Variants in PTGES observed in about 807,000 individuals in gnomAD.
PTGES encodes the protein MGST1-like 1.
In PTGES, 3 loss-of-function variants were observed where a neutral mutation model predicts 11.8. The observed-to-expected ratio is 0.25, with a 90% CI of 0.12 to 0.66. PTGES has a LOEUF of 0.66. Among genes scored for constraint, PTGES ranks in the 30% least tolerant of loss-of-function variants. The probability of loss-of-function intolerance (pLI) is 0.82; values close to 1 mark genes in which losing one functional copy is unlikely to be tolerated. For synonymous variants in PTGES, 94 were observed against 90.4 expected, an observed-to-expected ratio of 1.04 and a Z score of -0.22; for missense variants, 180 against 213.0, an observed-to-expected ratio of 0.85 and a Z score of 0.96.
In PTGES at chr9:129,748,643, C is replaced by T. The variant is rs200258970; in HGVS notation, c.209+12G>A. 20 of 1,564,428 alleles carry T rather than the reference C, an allele frequency of 1.3e-5. No homozygotes were observed. Among genetic ancestry groups the T allele is most frequent in the East Asian group, 2.5e-5 (1 of 40,594 alleles). On this transcript the variant is annotated intron_variant, in intron 2 of 2. Transcript: ENST00000340607. ...GCCAGGTGTGGCCAGGCCAGGGGCC[C>T]GAAGTACTTGCCTGAGGCAGCGTTC...
rs764299550 is a variant in PTGES, at chr9:129,746,696, G to A, written c.209+1959C>T. Among the ~76,000 whole-genome samples the A allele has an allele frequency of 8.5e-5, 13 of 152,130 alleles. No individual in the cohort carries two copies. In the South Asian group the frequency reaches 1.2e-3, roughly 15 times the overall value. On this transcript the variant is annotated intron_variant, in intron 2 of 2. Coordinates refer to ENST00000340607, the MANE Select transcript of PTGES (RefSeq NM_004878.5). ...GGAATGTGTTGAGACCCATGAGACA[G>A]TTTGTCTCCGGCCTCAGCCTGTCCA...
At position 129,748,684 on chromosome 9, in the gene PTGES, C is replaced by T. The variant is rs142287855; in HGVS notation, c.180G>A (p.Arg60=). ...ALRHGGPQYC[R]SDPDVERCLR... ...GGCAGCGTTCCACGTCGGGGTCGCT[C>T]CTGCAATACTGGGGGCCTCCGTGTC... The change falls in exon 2 of 3, where the codon AGG becomes AGA. Residue 60 remains arginine, a synonymous_variant. Coordinates refer to ENST00000340607, the MANE Select transcript of PTGES (RefSeq NM_004878.5). 8,904 of 1,583,684 alleles carry T rather than the reference C, an allele frequency of 5.6e-3. 33 individuals carry two copies. The highest frequency in any genetic ancestry group is 6.5e-3 in the Non-Finnish European group (7,627 of 1,168,998).
intron 1 of PTGES, among the ~76,000 whole-genome samples, chr9:129,751,645 C>G (rs1833110278): frequency 6.6e-6 from 1 of 152,022 alleles, no homozygotes; most frequent in Non-Finnish European, 1.5e-5. Context: ...TGCCGCTGCA[C>G]TCCAGCCTGG....
rs60701418 is a variant in PTGES, at chr9:129,742,163, C to CAA, written c.210-2305_210-2304dup. On this transcript the variant is annotated intron_variant, in intron 2 of 2. Coordinates refer to ENST00000340607, the MANE Select transcript of PTGES (RefSeq NM_004878.5). ...CAAAATCCCATCTCTACTAAAAGTA[C>CAA]AAAAAAAAAAAATTAGCTGTACATG... is the stretch of plus-strand genomic sequence containing the variant. Among the ~76,000 whole-genome samples the CAA allele has an allele frequency of 1.8e-4, 25 of 140,886 alleles. No individual in the cohort carries two copies. The East Asian group carries it at 1.8e-3, about 10-fold the overall frequency. 92.4% of individuals were successfully genotyped at this position (140,886 alleles called of 152,430 possible).
At chr9:129,743,087 A>G (rs1165634397) in intron 2 of PTGES, among the ~76,000 whole-genome samples, 1 of 152,210 alleles carries the variant, frequency 6.6e-6, no homozygotes, top group Non-Finnish European at 1.5e-5. Flanking sequence ...GCCTTGCAGA[A>G]AAAGCGGGGA....
chr9:129,747,925 G>A (rs538179296), intron 2 of PTGES, among the ~76,000 whole-genome samples: 4 of 147,528 alleles, frequency 2.7e-5, no homozygotes, highest in Middle Eastern at 3.5e-3. Context: ...CAGGAGAATC[G>A]CTTGAACTCG....
chr9:129,740,008 AAGGAGATGGATACCCCAGAGTCC>A, intron 2 of PTGES, 148 bp from the exon 3 acceptor site: 4 of 1,021,646 alleles, frequency 3.9e-6, no homozygotes, highest in Non-Finnish European at 5.6e-6. Flanking sequence ...CAGCCAGGTC[AAGGAGATGGATACCCCAGAGTCC>A]AGAAGAAGGC....
At chr9:129,746,083 G>T (rs190529936) in intron 2 of PTGES, among the ~76,000 whole-genome samples, 1 of 150,952 alleles carries the variant, frequency 6.6e-6, no homozygotes. Context: ...GGCGCCACCC[G>T]GGTCTATCGT....
intron 2 of PTGES, among the ~76,000 whole-genome samples, chr9:129,746,969 G>A (rs1191357556): frequency 6.6e-6 from 1 of 152,218 alleles, no homozygotes; most frequent in African/African-American, 2.4e-5. Context: ...CTGGAGCGCA[G>A]TGGCGCAATC....
At chr9:129,744,865 G>GA (rs1833036177) in intron 2 of PTGES, among the ~76,000 whole-genome samples, 1 of 150,924 alleles carries the variant, frequency 6.6e-6, no homozygotes, top group Non-Finnish European at 1.5e-5. Flanking sequence ...CAACAAGAGT[G>GA]AAAGTCCATC....
chr9:129,752,524 C>T (rs1204912936), intron 1 of PTGES, among the ~76,000 whole-genome samples: 1 of 152,238 alleles, frequency 6.6e-6, no homozygotes, highest in African/African-American at 2.4e-5. Context: ...CCCACTCCAC[C>T]CAGATATCAG....
intron 1 of PTGES, among the ~76,000 whole-genome samples, chr9:129,751,255 C>T (rs1588189059): frequency 6.6e-6 from 1 of 151,046 alleles, no homozygotes; most frequent in Admixed American, 6.6e-5. Context: ...CCCAGGAAGT[C>T]GAGGCTACAG....
intron 1 of PTGES, among the ~76,000 whole-genome samples, chr9:129,750,254 G>C (rs932379696): frequency 6.6e-6 from 1 of 152,168 alleles, no homozygotes; most frequent in African/African-American, 2.4e-5. Context: ...TTGTTCAGCT[G>C]ACGGCAAATC....
intron 1 of PTGES, among the ~76,000 whole-genome samples, chr9:129,750,616 C>G (rs770977597): frequency 1.3e-4 from 20 of 152,216 alleles, no homozygotes; most frequent in Non-Finnish European, 2.2e-4. Context: ...GAGGTGCCAC[C>G]TTAGCTGGGG....
In PTGES at chr9:129,738,916, C is replaced by G. The variant is rs1588184499; in HGVS notation, c.*695G>C. 6.6e-6 allele frequency: 1 copy of G among 152,392 alleles called. No individual in the cohort carries two copies. Among genetic ancestry groups the G allele is most frequent in the East Asian group, 1.9e-4 (1 of 5,196 alleles). 9.4% of individuals were successfully genotyped at this position (152,392 alleles called of 1,614,324 possible). ...TTGGGAGGCCGAGGCCGGTGGATCA[C>G]TTGAGGCCAGGAGTTCGAGACCCTC... On this transcript the variant is annotated 3_prime_UTR_variant, in exon 3 of 3. Coordinates refer to ENST00000340607, the MANE Select transcript of PTGES (RefSeq NM_004878.5). This position sits in a 1 kb window ranked among gnomAD's most constrained non-coding sequence, Gnocchi z 4.2.
At chr9:129,749,204 C>A (rs999972402) in intron 1 of PTGES, among the ~76,000 whole-genome samples, 1 of 152,178 alleles carries the variant, frequency 6.6e-6, no homozygotes, top group Admixed American at 6.5e-5. Flanking sequence ...CCAGCCTGGG[C>A]AACATAGCAA....
In PTGES at chr9:129,744,096, G is replaced by A. The variant is rs548213920; in HGVS notation, c.210-4236C>T. Among the ~76,000 whole-genome samples, 118 of 152,214 alleles carry A rather than the reference G, an allele frequency of 7.8e-4. No homozygotes were observed. In the South Asian group the frequency reaches 8.1e-3, roughly 10 times the overall value. The stretch of plus-strand genomic sequence containing the variant: ...ACTCCTAAGCTCAGGTGATCTACCC[G>A]CCTCAGCCTCCCAAAGTGCAGGGAT... On this transcript the variant is annotated intron_variant, in intron 2 of 2. Transcript: ENST00000340607.
At position 129,745,154 on chromosome 9, in the gene PTGES, G is replaced by A. The variant is rs573132122; in HGVS notation, c.209+3501C>T. 8.1e-4 allele frequency among the ~76,000 whole-genome samples: 122 copies of A among 150,164 alleles called. No individual in the cohort carries two copies. Among genetic ancestry groups the A allele is most frequent in the African/African-American group, 3.0e-3 (122 of 40,752 alleles). ...AACAGAAATGCTCCAAGCTTAGGTC[G>A]CACGTTTGCCTCTCTTCTTTGGGAC... On this transcript the variant is annotated intron_variant, in intron 2 of 2. Transcript: ENST00000340607. This position sits in a 1 kb window ranked among gnomAD's most constrained non-coding sequence, Gnocchi z 4.2.
chr9:129,752,398 C>A (rs1278135531), intron 1 of PTGES, among the ~76,000 whole-genome samples: 1 of 152,216 alleles, frequency 6.6e-6, no homozygotes, highest in African/African-American at 2.4e-5. Flanking sequence ...GCTGAGCACC[C>A]CGACGGTGCC....
Sources: gnomAD v4.1 joint callset for allele counts (sites outside exome capture counted in the v4.1 genomes callset) on GRCh38, gnomAD v4.1.1 for gene constraint, Gnocchi (gnomAD v3.1) non-coding constraint, MANE v1.5 for transcripts, NCBI Gene and HGNC (gene_info 2026-07-23, HGNC 2026-07-21) for gene names.